The following FNBP1 variants were observed in gnomAD, a reference collection of about 807,000 sequenced individuals.
The protein encoded by FNBP1 is formin-binding protein 1.
Under a neutral mutation model 90.6 loss-of-function variants are expected in FNBP1, and 26 were observed. That is an observed-to-expected ratio of 0.29 (90% CI 0.21 to 0.40). The LOEUF (loss-of-function observed/expected upper bound fraction) is 0.40, where lower values mean the gene tolerates loss of function less well. Among genes scored for constraint, FNBP1 ranks in the 10% least tolerant of loss-of-function variants. The pLI, the probability that FNBP1 is intolerant of heterozygous loss-of-function variation, is 1.00. For synonymous variants in FNBP1, 260 were observed against 265.2 expected (o/e 0.98, Z 0.19); for missense variants, 635 against 768.0 (o/e 0.83, Z 2.05).
At chr9:130,046,604 A>AAAAAAAAC (rs2060061546), upstream of FNBP1, among the ~76,000 whole-genome samples, 1 of 113,316 alleles carries the variant, frequency 8.8e-6, no homozygotes, top group East Asian at 2.6e-4. Flanking sequence ...AAAAAAAAAA[A>AAAAAAAAC]CACCAAAAAA....
chr9:129,980,188 C>T (rs1367896493), intron 2 of FNBP1, among the ~76,000 whole-genome samples: 2 of 151,544 alleles, frequency 1.3e-5, no homozygotes, highest in Non-Finnish European at 2.9e-5. Context: ...GGAGAAACCC[C>T]GTCCCTACTA....
At chr9:130,033,980 C>T (rs12686651) in intron 1 of FNBP1, among the ~76,000 whole-genome samples, 22,284 of 147,016 alleles carry the variant, frequency 0.15, 2,102 homozygotes, top group East Asian at 0.33. Context: ...TGCGCCACCG[C>T]ACTCCAGCCT....
At chr9:129,922,935 G>A (rs2041313231) in intron 10 of FNBP1, among the ~76,000 whole-genome samples, 1 of 151,896 alleles carries the variant, frequency 6.6e-6, no homozygotes, top group African/African-American at 2.4e-5. Flanking sequence ...TGTACTGGCT[G>A]GTCTTGAACT....
At position 129,929,640 on chromosome 9, in the gene FNBP1, T is replaced by C; in HGVS notation, c.569A>G (p.Tyr190Cys). ...HQMAEDSKAD[Y>C]SSILQKFNHE... is the part of the protein sequence containing the mutation. ...GTTGAATTTCTGGAGAATGGATGAG[T>C]AATCTGCTTTGCTGTCCTCTGCCAT... The change falls in exon 7 of 17, where the codon TAC becomes TGC. Residue 190 changes from tyrosine to cysteine, a missense_variant. Physicochemically the swap from Tyr to Cys is radical, Grantham distance 194 (BLOSUM62 -2). Transcript: ENST00000446176. The C allele has an allele frequency of 6.2e-7, 1 of 1,613,806 alleles. No homozygotes were observed. The highest frequency in any genetic ancestry group is 8.5e-7 in the Non-Finnish European group (1 of 1,179,736).
At chr9:130,037,354 G>GAAAAAGA (rs201856845) in intron 1 of FNBP1, among the ~76,000 whole-genome samples, 11 of 151,828 alleles carry the variant, frequency 7.2e-5, no homozygotes, top group African/African-American at 1.9e-4. Context: ...ACTCCATCTC[G>GAAAAAGA]AAAAAGAAAA....
Position 129,890,816 on chromosome 9 carries a change from G to A in FNBP1, c.1847-270C>T, listed in dbSNP as rs943379703. ...AAACAGGAGACTGATGAGGCCATCC[G>A]CCCCAACTCGTCTTTCTCATAAGTT... On this transcript the variant is annotated intron_variant, in intron 16 of 16. Coordinates refer to ENST00000446176, the MANE Select transcript of FNBP1 (RefSeq NM_015033.3). This position sits in a 1 kb window ranked among gnomAD's most constrained non-coding sequence, Gnocchi z 5.8. Among the ~76,000 whole-genome samples, 2 of 152,166 alleles carry A rather than the reference G, an allele frequency of 1.3e-5. No homozygotes were observed. The highest frequency in any genetic ancestry group is 2.9e-5 in the Non-Finnish European group (2 of 68,026).
intron 4 of FNBP1, among the ~76,000 whole-genome samples, chr9:129,967,205 G>A (rs1346740503): frequency 6.6e-6 from 1 of 152,150 alleles, no homozygotes; most frequent in Non-Finnish European, 1.5e-5. Context: ...CATGGATAAG[G>A]ACTTTGGGGG....
intron 1 of FNBP1, among the ~76,000 whole-genome samples, chr9:130,015,014 CAAAA>C (rs2057080867): frequency 6.7e-6 from 1 of 150,164 alleles, no homozygotes; most frequent in African/African-American, 2.4e-5. Flanking sequence ...GTCTAAAGGC[CAAAA>C]ATATTTTTCA....
At chr9:129,891,473 A>C (rs1249051663) in intron 16 of FNBP1, among the ~76,000 whole-genome samples, 1 of 152,160 alleles carries the variant, frequency 6.6e-6, no homozygotes, top group Non-Finnish European at 1.5e-5. Context: ...TCCAGAAAAA[A>C]AAGAAAAGAA....
intron 4 of FNBP1, among the ~76,000 whole-genome samples, chr9:129,970,864 T>C (rs2049343186): frequency 1.3e-5 from 2 of 152,110 alleles, no homozygotes; most frequent in African/African-American, 4.8e-5. Flanking sequence ...AAAGGTTCTC[T>C]TTTTAGTGAA....
At chr9:130,011,215 C>G (rs1589248858) in intron 1 of FNBP1, among the ~76,000 whole-genome samples, 1 of 13,424 alleles carries the variant, frequency 7.4e-5, no homozygotes, top group Non-Finnish European at 1.4e-4. Flanking sequence ...GACTCCATCT[C>G]AAAAAAAAAA....
chr9:129,915,934 A>G (rs1200207627), intron 11 of FNBP1, 32 bp downstream of exon 11: 2 of 1,576,074 alleles, frequency 1.3e-6, no homozygotes, highest in African/African-American at 2.7e-5. Flanking sequence ...ACCTGATTAG[A>G]CTCAGGACAT....
intron 4 of FNBP1, among the ~76,000 whole-genome samples, chr9:129,965,780 GGGAAGGAGGGAGGGAGGGGGGAA>G (rs2048502794): frequency 2.4e-5 from 2 of 83,392 alleles, no homozygotes; most frequent in Admixed American, 1.4e-4. Flanking sequence ...AGGGAAGGGA[GGGAAGGAGGGAGGGAGGGGGGAA>G]GGAGGGAGGG....
chr9:129,892,502 G>A (rs2035227245), intron 16 of FNBP1, among the ~76,000 whole-genome samples: 1 of 152,028 alleles, frequency 6.6e-6, no homozygotes, highest in African/African-American at 2.4e-5. Flanking sequence ...ACATCAGATG[G>A]GTTGAAGGAG....
At chr9:129,906,464 G>T (rs967270409) in intron 12 of FNBP1, among the ~76,000 whole-genome samples, 11 of 152,118 alleles carry the variant, frequency 7.2e-5, no homozygotes, top group Admixed American at 4.6e-4. Context: ...TTCCCAGGCT[G>T]CTCTCGTAAT....
At chr9:129,913,506 C>T (rs1340812565) in intron 11 of FNBP1, among the ~76,000 whole-genome samples, 1 of 152,102 alleles carries the variant, frequency 6.6e-6, no homozygotes, top group Non-Finnish European at 1.5e-5. Flanking sequence ...CCTGGTGGCT[C>T]ACGCATGTAA....
intron 4 of FNBP1, among the ~76,000 whole-genome samples, chr9:129,970,204 CTTTTA>C (rs569127543): frequency 2.2e-4 from 33 of 150,946 alleles, no homozygotes; most frequent in Non-Finnish European, 3.2e-4. Context: ...TGCGCCTGGC[CTTTTA>C]TTTTATTATT....
At chr9:129,944,611 A>G (rs1205577278) in intron 6 of FNBP1, among the ~76,000 whole-genome samples, 1 of 152,098 alleles carries the variant, frequency 6.6e-6, no homozygotes, top group Non-Finnish European at 1.5e-5. Flanking sequence ...TGCAAGGAGA[A>G]GGATACAGGC....
chr9:130,033,704 C>G (rs566282491), intron 1 of FNBP1, among the ~76,000 whole-genome samples: 24 of 150,756 alleles, frequency 1.6e-4, no homozygotes, highest in African/African-American at 5.6e-4. Context: ...AAAAGTTAGC[C>G]AGGCCGGGCT....
Sources: allele counts gnomAD v4.1 joint callset (sites outside exome capture counted in the v4.1 genomes callset), GRCh38; gene constraint gnomAD v4.1.1; non-coding constraint Gnocchi (gnomAD v3.1); transcripts MANE v1.5; gene names NCBI Gene and HGNC (gene_info 2026-07-23, HGNC 2026-07-21).